Variants in TRAPPC9 observed in about 807,000 individuals in gnomAD.
TRAPPC9 encodes the protein trafficking protein particle complex subunit 9, also known as IKK2 binding protein.
A neutral mutation model predicts 124.0 loss-of-function variants in TRAPPC9; 83 were observed. The ratio of observed to expected loss-of-function variants is 0.67; its 90% CI spans 0.56 to 0.80. The LOEUF is 0.80. TRAPPC9 is among the 30% of genes least tolerant of loss of function. TRAPPC9 has a pLI of 0.00. For synonymous variants in TRAPPC9, 638 were observed against 617.5 expected (o/e 1.03, Z -0.49); for missense variants, 1,302 against 1,508.3 (o/e 0.86, Z 2.27).
intron 17 of TRAPPC9, among the ~76,000 whole-genome samples, chr8:140,153,664 T>C (rs567006502): frequency 5.3e-5 from 8 of 152,226 alleles, no homozygotes; most frequent in Non-Finnish European, 1.2e-4. Flanking sequence ...AATGAATGAA[T>C]AAATGAATGA....
At chr8:140,074,824 G>A (rs977821402) in intron 17 of TRAPPC9, among the ~76,000 whole-genome samples, 6 of 152,212 alleles carry the variant, frequency 3.9e-5, no homozygotes, top group South Asian at 4.1e-4. Flanking sequence ...GCACAGACAG[G>A]AAGGGGTCAG....
intron 17 of TRAPPC9, among the ~76,000 whole-genome samples, chr8:140,084,967 G>A (rs750005053): frequency 2.0e-5 from 3 of 152,168 alleles, no homozygotes; most frequent in Non-Finnish European, 4.4e-5. Context: ...TGGGATGAGC[G>A]TTAGGCTGGA....
chr8:139,902,158 G>A (rs950641932), intron 20 of TRAPPC9, among the ~76,000 whole-genome samples: 1 of 152,182 alleles, frequency 6.6e-6, no homozygotes, highest in African/African-American at 2.4e-5. Context: ...ACATGAAGAT[G>A]GGAAATGATG....
intron 21 of TRAPPC9, among the ~76,000 whole-genome samples, chr8:139,761,176 G>A (rs562146078): frequency 7.0e-4 from 107 of 152,332 alleles, no homozygotes; most frequent in African/African-American, 2.4e-3. Context: ...CCTGAACCAC[G>A]TCCTGGGCAG....
At chr8:139,822,628 G>GA (rs1383007527) in intron 21 of TRAPPC9, among the ~76,000 whole-genome samples, 2 of 152,122 alleles carry the variant, frequency 1.3e-5, no homozygotes, top group Non-Finnish European at 2.9e-5. Context: ...GGATGGCGGG[G>GA]GGGGGCTGCC....
Position 140,087,144 on chromosome 8 carries a change from G to A in TRAPPC9, c.2557-63065C>T, listed in dbSNP as rs932391220. On this transcript the variant is annotated intron_variant, in intron 17 of 22. Coordinates refer to ENST00000438773, the MANE Select transcript of TRAPPC9 (RefSeq NM_001160372.4). The surrounding 1 kb of genome is among the most constrained non-coding windows in gnomAD (Gnocchi z 4.6). ...AACATCCTGGCCTTGTCTTCCTGAC[G>A]TTCTCAGCAGCTGTCATTTGCTCCT... is the stretch of plus-strand genomic sequence containing the variant. 5.9e-5 allele frequency among the ~76,000 whole-genome samples: 9 copies of A among 152,108 alleles called. No individual in the cohort carries two copies. The highest frequency in any genetic ancestry group is 1.4e-4 in the African/African-American group (6 of 41,404).
intron 17 of TRAPPC9, among the ~76,000 whole-genome samples, chr8:140,214,774 C>A (rs149744689): frequency 2.6e-5 from 4 of 152,112 alleles, no homozygotes; most frequent in Non-Finnish European, 5.9e-5. Flanking sequence ...CAGTCATGAA[C>A]GTGGACAGAC....
intron 13 of TRAPPC9, among the ~76,000 whole-genome samples, chr8:140,286,195 A>G (rs2065478795): frequency 6.6e-6 from 1 of 152,192 alleles, no homozygotes. Context: ...AAGCCTCGGA[A>G]AGCCTGGAAA....
chr8:140,393,205 G>A (rs1223118522), intron 7 of TRAPPC9, among the ~76,000 whole-genome samples: 1 of 151,908 alleles, frequency 6.6e-6, no homozygotes, highest in Non-Finnish European at 1.5e-5. Context: ...CCGAGTAGCT[G>A]GTATTACAGG....
chr8:140,434,198 A>G (rs1319780756), intron 4 of TRAPPC9, among the ~76,000 whole-genome samples: 1 of 152,086 alleles, frequency 6.6e-6, no homozygotes, highest in African/African-American at 2.4e-5. Flanking sequence ...CCACTCCCAC[A>G]CTGTGGAGTG....
chr8:140,454,870 G>A (rs1278348904), intron 1 of TRAPPC9, among the ~76,000 whole-genome samples: 1 of 149,292 alleles, frequency 6.7e-6, no homozygotes, highest in Non-Finnish European at 1.5e-5. Context: ...ACCCAGGGAG[G>A]AGGAGGTTAC....
intron 20 of TRAPPC9, among the ~76,000 whole-genome samples, chr8:139,890,581 T>C (rs1412836776): frequency 1.3e-5 from 2 of 152,128 alleles, no homozygotes; most frequent in Non-Finnish European, 2.9e-5. Flanking sequence ...TCAAAGGCCA[T>C]TGTGAGGGAC....
intron 19 of TRAPPC9, among the ~76,000 whole-genome samples, chr8:139,927,975 TG>T (rs1322584144): frequency 1.3e-5 from 2 of 152,190 alleles, no homozygotes; most frequent in Non-Finnish European, 2.9e-5. Context: ...AAAGAACTTT[TG>T]GGGGTGATAG....
At chr8:140,044,571 C>A (rs1168484721) in intron 17 of TRAPPC9, among the ~76,000 whole-genome samples, 2 of 152,242 alleles carry the variant, frequency 1.3e-5, no homozygotes, top group Non-Finnish European at 2.9e-5. Context: ...TTCTTCAGGG[C>A]ATGACAGTGC....
At chr8:139,757,173 TTAGGGATGAGGACAGCAGGGTG>T (rs1819891239) in intron 21 of TRAPPC9, among the ~76,000 whole-genome samples, 1 of 126,224 alleles carries the variant, frequency 7.9e-6, no homozygotes, top group Non-Finnish European at 1.6e-5. Flanking sequence ...GAGCCAGGGT[TTAGGGATGAGGACAGCAGGGTG>T]CAGGAGGAGC....
intron 7 of TRAPPC9, among the ~76,000 whole-genome samples, chr8:140,373,317 C>T (rs748564212): frequency 3.9e-5 from 6 of 152,220 alleles, no homozygotes; most frequent in Admixed American, 1.3e-4. Flanking sequence ...TGGGTGGAAG[C>T]GTATGAGGCA....
chr8:140,238,553 G>T (rs1261378855), intron 16 of TRAPPC9: 1 of 152,234 alleles, frequency 6.6e-6, no homozygotes, highest in African/African-American at 2.4e-5. Context: ...ATAACGCTGG[G>T]CAGGCTGTCC....
intron 20 of TRAPPC9, among the ~76,000 whole-genome samples, chr8:139,900,926 T>TTTGGAA (rs372955412): frequency 1.3e-5 from 2 of 151,822 alleles, no homozygotes; most frequent in African/African-American, 2.4e-5. Flanking sequence ...ATCTGTGAGG[T>TTTGGAA]TCTCTTTGGA....
At chr8:139,988,003 C>T (rs1837357237) in intron 19 of TRAPPC9, among the ~76,000 whole-genome samples, 1 of 152,206 alleles carries the variant, frequency 6.6e-6, no homozygotes, top group African/African-American at 2.4e-5. Flanking sequence ...CTGTGCTCCC[C>T]TCCCGAAGGC....
Sources: gnomAD v4.1 joint callset for allele counts (sites outside exome capture counted in the v4.1 genomes callset) on GRCh38, gnomAD v4.1.1 for gene constraint, Gnocchi (gnomAD v3.1) non-coding constraint, MANE v1.5 for transcripts, NCBI Gene and HGNC (gene_info 2026-07-23, HGNC 2026-07-21) for gene names.